NKAIN3: variants seen among roughly 807,000 people sequenced by gnomAD.
NKAIN3 encodes the protein sodium/potassium-transporting ATPase subunit beta-1-interacting protein 3.
A neutral mutation model predicts 30.2 loss-of-function variants in NKAIN3; 25 were observed. The observed-to-expected ratio is 0.83, with a 90% CI of 0.60 to 1.16. The LOEUF (loss-of-function observed/expected upper bound fraction) is 1.16. NKAIN3 is among the 50% of genes most tolerant of loss of function. The pLI, the probability that NKAIN3 is intolerant of heterozygous loss-of-function variation, is 0.00. For synonymous variants in NKAIN3, 91 were observed against 89.6 expected, an observed-to-expected ratio of 1.02 and a Z score of -0.09; for missense variants, 225 against 254.1, an observed-to-expected ratio of 0.89 and a Z score of 0.78.
chr8:62,762,381 C>T (rs936775413), intron 4 of NKAIN3, among the ~76,000 whole-genome samples: 2 of 150,686 alleles, frequency 1.3e-5, no homozygotes, highest in Non-Finnish European at 2.9e-5. Flanking sequence ...CATTTGAATA[C>T]TGGGGCTAAG....
chr8:62,863,088 A>G, intron 4 of NKAIN3: 1 of 1,172,264 alleles, frequency 8.5e-7, no homozygotes, highest in Non-Finnish European at 1.2e-6. Context: ...CTCTCAAGTT[A>G]AGAAAAGGGT....
chr8:62,347,275 G>C (rs1172288602), intron 1 of NKAIN3, among the ~76,000 whole-genome samples: 3 of 152,130 alleles, frequency 2.0e-5, no homozygotes, highest in Non-Finnish European at 4.4e-5. Context: ...AGAGAACAAT[G>C]TATTGGTGGT....
intron 1 of NKAIN3, among the ~76,000 whole-genome samples, chr8:62,262,556 A>T (rs147654636): frequency 8.3e-4 from 126 of 152,246 alleles, no homozygotes; most frequent in African/African-American, 2.7e-3. Flanking sequence ...TGGCAGCCAG[A>T]CCACTGACAG....
chr8:62,293,888 G>T (rs1305602366), intron 1 of NKAIN3, among the ~76,000 whole-genome samples: 1 of 152,200 alleles, frequency 6.6e-6, no homozygotes, highest in East Asian at 1.9e-4. Flanking sequence ...GCTCCACCCA[G>T]TTCGAGCTTC....
intron 2 of NKAIN3, among the ~76,000 whole-genome samples, chr8:62,584,824 A>C (rs1331612584): frequency 3.9e-5 from 6 of 152,224 alleles, no homozygotes; most frequent in Admixed American, 3.9e-4. Flanking sequence ...TTTCTACCCC[A>C]GCACCCTACC....
At chr8:62,399,963 G>C (rs1295621602) in intron 1 of NKAIN3, among the ~76,000 whole-genome samples, 1 of 152,164 alleles carries the variant, frequency 6.6e-6, no homozygotes, top group Non-Finnish European at 1.5e-5. Context: ...ACAGGAGAGA[G>C]AGGGACAGTA....
chr8:62,362,169 T>C (rs756086138), intron 1 of NKAIN3, among the ~76,000 whole-genome samples: 2 of 152,170 alleles, frequency 1.3e-5, no homozygotes, highest in African/African-American at 4.8e-5. Context: ...TGAATGAGCA[T>C]CAATAACTAA....
chr8:62,987,730 C>T (rs925915286), downstream of NKAIN3, among the ~76,000 whole-genome samples: 4 of 152,108 alleles, frequency 2.6e-5, no homozygotes, highest in African/African-American at 9.7e-5. Context: ...GTGGGGAACA[C>T]AGCCAAACCA....
chr8:62,297,363 A>G lies in NKAIN3; in HGVS notation c.54+48236A>G, dbSNP rs552803266. Among the ~76,000 whole-genome samples, 17 of 152,210 alleles carry G rather than the reference A, an allele frequency of 1.1e-4. No homozygotes were observed. The East Asian group carries it at 3.3e-3, about 29-fold the overall frequency. On this transcript the variant is annotated intron_variant, in intron 1 of 6. Transcript: ENST00000623646. ...AAAGAGCTTCTGCACAGCAAAAGAA[A>G]CTACCATCAGAGTGAACAGGCAACC...
rs559185391 is a variant in NKAIN3, at chr8:62,968,228, GA to G, written c.*2828del. ...GGGCTATGCTTCTGTAAGACAAAGG[GA>G]AAAAAAGAAGTGCAGAGTTGTACAG... On this transcript the variant is annotated 3_prime_UTR_variant, in exon 7 of 7. Coordinates refer to ENST00000623646, the MANE Select transcript of NKAIN3 (RefSeq NM_001304533.3). Among the ~76,000 whole-genome samples the G allele has an allele frequency of 2.0e-5, 3 of 152,012 alleles. No individual in the cohort carries two copies. The highest frequency in any genetic ancestry group is 4.1e-4 in the South Asian group (2 of 4,824).
At chr8:62,807,556 G>GT (rs11482643) in intron 4 of NKAIN3, among the ~76,000 whole-genome samples, 68,537 of 134,094 alleles carry the variant, frequency 0.51, 18,641 homozygotes, top group Non-Finnish European at 0.6. Flanking sequence ...TTCTTTTCTG[G>GT]TTTTTTTTTT....
At chr8:62,292,140 T>A (rs1813662404) in intron 1 of NKAIN3, among the ~76,000 whole-genome samples, 1 of 152,158 alleles carries the variant, frequency 6.6e-6, no homozygotes. Context: ...TCTCTGCATG[T>A]GAGATGGGTC....
chr8:62,731,498 A>G lies in NKAIN3; in HGVS notation c.274-15434A>G, dbSNP rs1815464720. Among the ~76,000 whole-genome samples, 4 of 152,222 alleles carry G rather than the reference A, an allele frequency of 2.6e-5. No individual in the cohort carries two copies. In the South Asian group the frequency reaches 8.3e-4, roughly 32 times the overall value. Reference sequence around the variant, plus strand: ...AACTGATATAAATACACTAGTAAATACTGTTTTGGTACCCTGTTTTCATCC... The same window carrying G: ...AACTGATATAAATACACTAGTAAATGCTGTTTTGGTACCCTGTTTTCATCC... On this transcript the variant is annotated intron_variant, in intron 3 of 6. Transcript: ENST00000623646.
chr8:62,767,568 G>GAGTTTC (rs1421784139), intron 4 of NKAIN3, among the ~76,000 whole-genome samples: 2 of 151,974 alleles, frequency 1.3e-5, no homozygotes, highest in Non-Finnish European at 2.9e-5. Context: ...AGTTTGAGGA[G>GAGTTTC]AGTTTCTCTT....
chr8:62,621,082 G>T (rs1234374516), intron 3 of NKAIN3, among the ~76,000 whole-genome samples: 1 of 152,164 alleles, frequency 6.6e-6, no homozygotes, highest in Non-Finnish European at 1.5e-5. Flanking sequence ...TAAATTAAGA[G>T]ACAAGTCCTT....
chr8:62,281,770 T>C (rs2129396684), intron 1 of NKAIN3, among the ~76,000 whole-genome samples: 1 of 152,288 alleles, frequency 6.6e-6, no homozygotes, highest in South Asian at 2.1e-4. Context: ...ATATGTAAAC[T>C]TATGCATGTT....
At chr8:62,798,728 T>G (rs1450049574) in intron 4 of NKAIN3, among the ~76,000 whole-genome samples, 2 of 152,222 alleles carry the variant, frequency 1.3e-5, no homozygotes, top group Non-Finnish European at 2.9e-5. Flanking sequence ...TAATAAATTG[T>G]TGTTGTTTAA....
intron 4 of NKAIN3, 63 bp from the exon 5 acceptor site, chr8:62,918,390 T>C (rs2130857746): frequency 8.7e-7 from 1 of 1,144,700 alleles, no homozygotes; most frequent in South Asian, 1.3e-5. Context: ...TAGATTATAT[T>C]GGCTCTTTAA....
At chr8:62,837,601 A>G (rs17266243) in intron 4 of NKAIN3, among the ~76,000 whole-genome samples, 12,480 of 152,176 alleles carry the variant, frequency 0.082, 568 homozygotes, top group South Asian at 0.14. Context: ...TCAACTCTGT[A>G]GCTGAATATT....
Sources: allele counts gnomAD v4.1 joint callset (sites outside exome capture counted in the v4.1 genomes callset), GRCh38; gene constraint gnomAD v4.1.1; transcripts MANE v1.5; gene names NCBI Gene and HGNC (gene_info 2026-07-23, HGNC 2026-07-21).